The following TINAG variants were observed in gnomAD, a reference collection of about 807,000 sequenced individuals.
TINAG encodes the protein tubulointerstitial nephritis antigen.
In TINAG, 83 loss-of-function variants were observed where a neutral mutation model predicts 72.7. The observed-to-expected ratio is 1.14, with a 90% CI of 0.96 to 1.37. The LOEUF (loss-of-function observed/expected upper bound fraction) is 1.37, where lower values mean the gene tolerates loss of function less well. Among genes scored for constraint, TINAG ranks in the 40% most tolerant of loss-of-function variants. The probability of loss-of-function intolerance (pLI) is 0.00; values close to 1 mark genes in which losing one functional copy is unlikely to be tolerated. For missense variants in TINAG, 685 were observed against 576.6 expected (o/e 1.19, Z -1.93); for synonymous variants, 234 against 189.9 (o/e 1.23, Z -1.91).
chr6:54,322,557 AG>A (rs911459146), intron 3 of TINAG, among the ~76,000 whole-genome samples: 1 of 152,242 alleles, frequency 6.6e-6, no homozygotes, highest in African/African-American at 2.4e-5. Context: ...AATCTGGAGA[AG>A]TATTTTTATA....
rs1785154268 is a variant in TINAG, at chr6:54,347,509, A to C, written c.891A>C (p.Arg297Ser). ...TCGATAGGGCTTGGTGGTACCTGAG[A>C]AAACGTGGGTAAATAGCTGCTCAAC... ...GSIDRAWWYL[R>S]KRGLVSHACY... Residue 297 changes from arginine (R) to serine (S), a missense_variant, in exon 6 of 11, where the codon AGA becomes AGC. Transcript: ENST00000259782. The C allele has an allele frequency of 6.2e-7, 1 of 1,612,660 alleles. No individual in the cohort carries two copies. Among genetic ancestry groups the C allele is most frequent in the East Asian group, 2.2e-5 (1 of 44,764 alleles).
At chr6:54,371,272 C>G (rs746387212) in intron 9 of TINAG, among the ~76,000 whole-genome samples, 2 of 151,986 alleles carry the variant, frequency 1.3e-5, no homozygotes, top group Non-Finnish European at 2.9e-5. Context: ...TCTGTCCTCG[C>G]TGGGTGATCT....
chr6:54,307,870 T>A (rs750435694), upstream of TINAG: 14 of 603,242 alleles, frequency 2.3e-5, no homozygotes, highest in Non-Finnish European at 3.8e-5. Context: ...CCAGTGTTTG[T>A]GCTAAGCAGG....
At position 54,389,872 on chromosome 6, in the gene TINAG, GA is replaced by G. The variant is rs775578405; in HGVS notation, c.1382del (p.Lys461SerfsTer2). The G allele has an allele frequency of 1.9e-6, 3 of 1,610,824 alleles. No homozygotes were observed. The South Asian group carries it at 3.3e-5, about 18-fold the overall frequency. On this transcript the variant is annotated frameshift_variant, in exon 11 of 11. Transcript: ENST00000259782. LOFTEE classifies it high-confidence loss of function. ...ILRGVNESDI[E>X]KLIIAAWGQL... ...TCGAGGAGTAAATGAGTCCGACATT[GA>G]AAAGTTGATTATCGCAGCTTGGGGC...
chr6:54,383,099 G>T (rs1763997889), intron 10 of TINAG, among the ~76,000 whole-genome samples: 2 of 152,114 alleles, frequency 1.3e-5, no homozygotes, highest in African/African-American at 4.8e-5. Context: ...CTCTAGAGGA[G>T]ATAAGAGAAG....
At chr6:54,360,706 T>C (rs1763199311) in intron 9 of TINAG, among the ~76,000 whole-genome samples, 1 of 151,616 alleles carries the variant, frequency 6.6e-6, no homozygotes, top group African/African-American at 2.4e-5. Context: ...TTTAGAAAAT[T>C]ACAGGAAAGA....
chr6:54,322,336 A>AC (rs1026253323), intron 3 of TINAG, among the ~76,000 whole-genome samples: 43 of 151,384 alleles, frequency 2.8e-4, no homozygotes, highest in African/African-American at 9.1e-4. Context: ...AAACAAACAA[A>AC]AAAAAAACAA....
upstream of TINAG, chr6:54,308,042 T>A (rs1784151793): frequency 1.3e-6 from 2 of 1,549,594 alleles, no homozygotes; most frequent in Non-Finnish European, 1.7e-6. Context: ...GTTATTGATA[T>A]GACAGATCCT....
At chr6:54,337,767 A>G (rs34338564) in intron 4 of TINAG, among the ~76,000 whole-genome samples, 3,592 of 152,264 alleles carry the variant, frequency 0.024, 51 homozygotes, top group Non-Finnish European at 0.036. Context: ...TCCCACACAC[A>G]TGAACATAAG....
intron 9 of TINAG, among the ~76,000 whole-genome samples, chr6:54,374,281 T>C (rs1763716231): frequency 6.6e-6 from 1 of 152,072 alleles, no homozygotes; most frequent in South Asian, 2.1e-4. Context: ...TCATGAGCCA[T>C]CATCTGCTCC....
At chr6:54,339,504 C>A (rs1233270367) in intron 4 of TINAG, among the ~76,000 whole-genome samples, 1 of 152,126 alleles carries the variant, frequency 6.6e-6, no homozygotes, top group African/African-American at 2.4e-5. Context: ...ACTTTACATT[C>A]CACAGGGTAC....
intron 9 of TINAG, among the ~76,000 whole-genome samples, chr6:54,365,018 T>C (rs1002724712): frequency 4.6e-5 from 7 of 151,546 alleles, no homozygotes; most frequent in Non-Finnish European, 1.0e-4. Flanking sequence ...TTCCTCTGTC[T>C]TTTTGAAAAA....
At chr6:54,327,003 A>G in intron 4 of TINAG, 87 bp downstream of exon 4, 1 of 1,579,158 alleles carries the variant, frequency 6.3e-7, no homozygotes, top group African/African-American at 1.4e-5. Context: ...AATCACTAAA[A>G]TAATGAGTTT....
chr6:54,317,330 G>C lies in TINAG; in HGVS notation c.356-3249G>C, dbSNP rs1042826097. On this transcript the variant is annotated intron_variant, in intron 1 of 10. Transcript: ENST00000259782. ...GTGTCACCACCCAAATCTCATCTTG[G>C]ATTGTAGCTCCCATAATTCTCACCT... is the stretch of plus-strand genomic sequence containing the variant. 9.2e-5 allele frequency among the ~76,000 whole-genome samples: 14 copies of C among 151,908 alleles called. 1 individual carries two copies. Among genetic ancestry groups the C allele is most frequent in the African/African-American group, 3.4e-4 (14 of 41,350 alleles).
At chr6:54,357,202 A>G (rs1763080421) in intron 9 of TINAG, among the ~76,000 whole-genome samples, 1 of 151,856 alleles carries the variant, frequency 6.6e-6, no homozygotes, top group African/African-American at 2.4e-5. Context: ...ACAACTTTGC[A>G]GTGTACTTTG....
At chr6:54,314,966 CAGAT>C (rs1784339073) in intron 1 of TINAG, among the ~76,000 whole-genome samples, 1 of 152,046 alleles carries the variant, frequency 6.6e-6, no homozygotes, top group Non-Finnish European at 1.5e-5. Flanking sequence ...TGCTCCCATA[CAGAT>C]AATTTTTTTT....
At chr6:54,357,585 C>T (rs1264045248) in intron 9 of TINAG, among the ~76,000 whole-genome samples, 6 of 151,944 alleles carry the variant, frequency 3.9e-5, no homozygotes, top group African/African-American at 1.4e-4. Flanking sequence ...TCCATATTCT[C>T]TGCTGGAAGC....
Position 54,308,773 on chromosome 6 carries a change from T to C in TINAG, c.223T>C (p.Tyr75His), listed in dbSNP as rs1199991726. Reference protein sequence around the residue: ...DRDDGCVTEFYAANALCYCDK... With the variant: ...DRDDGCVTEFHAANALCYCDK... The stretch of plus-strand genomic sequence containing the variant: ...AGATGATGGCTGTGTCACTGAGTTC[T>C]ATGCGGCGAATGCGTTGTGCTACTG... Residue 75 changes from tyrosine (Y) to histidine (H), a missense_variant, in exon 1 of 11, where the codon TAT becomes CAT. Tyr to His is a moderately conservative substitution (Grantham distance 83). Coordinates refer to ENST00000259782, the MANE Select transcript of TINAG (RefSeq NM_014464.4). 15 of 1,613,948 alleles carry C rather than the reference T, an allele frequency of 9.3e-6. No homozygotes were observed. Among genetic ancestry groups the C allele is most frequent in the Non-Finnish European group, 1.3e-5 (15 of 1,179,896 alleles).
chr6:54,343,084 C>A, intron 4 of TINAG, 142 bp from the exon 5 acceptor site: 3 of 662,256 alleles, frequency 4.5e-6, no homozygotes, highest in South Asian at 5.6e-5. Context: ...AAATATAAAT[C>A]CCACATAGCT....
Sources: gnomAD v4.1 joint callset for allele counts (sites outside exome capture counted in the v4.1 genomes callset) on GRCh38, gnomAD v4.1.1 for gene constraint, MANE v1.5 for transcripts, NCBI Gene and HGNC (gene_info 2026-07-23, HGNC 2026-07-21) for gene names.